The following CDON variants were observed in gnomAD, a reference collection of about 807,000 sequenced individuals.
CDON encodes the protein cell adhesion molecule-related/down-regulated by oncogenes.
A neutral mutation model predicts 120.9 loss-of-function variants in CDON; 73 were observed. That is an observed-to-expected ratio of 0.60 (90% CI 0.50 to 0.73). The LOEUF (loss-of-function observed/expected upper bound fraction) is 0.73. CDON is among the 30% of genes least tolerant of loss of function. The probability of loss-of-function intolerance (pLI) is 0.00; values close to 1 mark genes in which losing one functional copy is unlikely to be tolerated. For synonymous variants in CDON, 566 were observed against 573.5 expected (o/e 0.99, Z 0.19); for missense variants, 1,470 against 1,587.3 (o/e 0.93, Z 1.26).
chr11:126,039,461 T>G (rs930868895), intron 1 of CDON, among the ~76,000 whole-genome samples: 5 of 152,222 alleles, frequency 3.3e-5, no homozygotes, highest in Non-Finnish European at 5.9e-5. Context: ...AAATGCAGCT[T>G]AAGTTTTTTG....
chr11:125,997,185 G>C, intron 12 of CDON, 22 bp downstream of exon 12: 1 of 1,544,860 alleles, frequency 6.5e-7, no homozygotes, highest in Non-Finnish European at 9.0e-7. Flanking sequence ...GATGGTAAAA[G>C]GAAACGTTTG....
rs1946951365 is a variant in CDON at position 126,001,773 on chromosome 11, C to T, written c.2104G>A (p.Ala702Thr). 6.2e-7 allele frequency: 1 copy of T among 1,613,010 alleles called. No individual in the cohort carries two copies. Among genetic ancestry groups the T allele is most frequent in the Non-Finnish European group, 8.5e-7 (1 of 1,179,024 alleles). ...ACCACTCCAAAATTGTTGTTTGCAG[C>T]CTCTGAAACAACGGGATACTTAGGG... Reference protein sequence around the residue: ...GIPKYPVVSEAANNNFGVVLT... With the variant: ...GIPKYPVVSETANNNFGVVLT... Residue 702 changes from alanine (A) to threonine (T), a missense_variant, in exon 11 of 20, where the codon GCT becomes ACT. Transcript: ENST00000531738.
intron 1 of CDON, among the ~76,000 whole-genome samples, chr11:126,026,372 A>C (rs1263176977): frequency 6.6e-6 from 1 of 152,250 alleles, no homozygotes; most frequent in Non-Finnish European, 1.5e-5. Context: ...TGGACCTACG[A>C]CTATAGAATA....
chr11:126,017,483 A>G, intron 5 of CDON, 108 bp from the exon 6 acceptor site: 1 of 1,084,804 alleles, frequency 9.2e-7, no homozygotes, highest in Non-Finnish European at 1.4e-6. Context: ...TTATACTACA[A>G]GGTCCTATTT....
intron 17 of CDON, among the ~76,000 whole-genome samples, chr11:125,979,658 C>T (rs991008963): frequency 5.9e-5 from 9 of 152,120 alleles, no homozygotes; most frequent in Non-Finnish European, 1.2e-4. Context: ...CCCAAGGTTC[C>T]GTGTTCAAAC....
rs1450170511 is a variant in CDON, at chr11:125,997,319, T to C, written c.2250A>G (p.Pro750=). The C allele has an allele frequency of 6.2e-7, 1 of 1,614,084 alleles. No individual in the cohort carries two copies. The highest frequency in any genetic ancestry group is 2.2e-5 in the East Asian group (1 of 44,866). The change falls in exon 12 of 20, where the codon CCA becomes CCG. Residue 750 remains proline (P), a synonymous_variant. Coordinates refer to ENST00000531738, the MANE Select transcript of CDON (RefSeq NM_001378964.1). ...TATATTCGACTTTGAAGGCAGTGAT[T>C]GGAGAACCCCCGTTTGCCCGAGGAA... is the stretch of plus-strand genomic sequence containing the variant. ...TWIPRANGGS[P]ITAFKVEYKR...
intron 1 of CDON, among the ~76,000 whole-genome samples, chr11:126,030,465 T>C (rs1313065188): frequency 6.6e-6 from 1 of 152,228 alleles, no homozygotes; most frequent in Non-Finnish European, 1.5e-5. Flanking sequence ...GAAATAACTG[T>C]GATTAATTTG....
intron 1 of CDON, among the ~76,000 whole-genome samples, chr11:126,024,525 C>T (rs1272988933): frequency 1.3e-5 from 2 of 152,088 alleles, no homozygotes; most frequent in African/African-American, 4.8e-5. Context: ...TTTGGTGACA[C>T]AAAATAAATA....
chr11:125,971,200 A>C (rs550822989), intron 18 of CDON, among the ~76,000 whole-genome samples: 1 of 152,064 alleles, frequency 6.6e-6, no homozygotes, highest in Admixed American at 6.5e-5. Flanking sequence ...TGGCTAACAC[A>C]GTGAAACCCC....
chr11:125,976,943 T>C (rs1216906096), intron 18 of CDON, among the ~76,000 whole-genome samples: 1 of 152,198 alleles, frequency 6.6e-6, no homozygotes, highest in East Asian at 1.9e-4. Flanking sequence ...ATCCTGTCGT[T>C]ATACCATTCT....
At chr11:126,027,301 C>T (rs755430090) in intron 1 of CDON, among the ~76,000 whole-genome samples, 1 of 152,144 alleles carries the variant, frequency 6.6e-6, no homozygotes, top group African/African-American at 2.4e-5. Flanking sequence ...CCAGGCCCAA[C>T]CTCACAAATA....
rs141225852 is a variant in CDON, at chr11:125,960,775, T to C, written c.*167A>G. On this transcript the variant is annotated 3_prime_UTR_variant, in exon 20 of 20. Coordinates refer to ENST00000531738, the MANE Select transcript of CDON (RefSeq NM_001378964.1). ...GAAAACATTTAAGGCATAAATAATA[T>C]AAAAGGGCACACGTTTTAAGATACA... is the stretch of plus-strand genomic sequence containing the variant. 6.7e-4 allele frequency: 459 copies of C among 689,458 alleles called. 2 individuals are homozygous for C. In the African/African-American group the frequency reaches 7.6e-3, roughly 11 times the overall value. 42.7% of individuals were successfully genotyped at this position (689,458 alleles called of 1,614,324 possible).
chr11:125,994,792 G>C (rs1056542918), intron 13 of CDON, 79 bp downstream of exon 13: 6 of 1,268,046 alleles, frequency 4.7e-6, no homozygotes, highest in Non-Finnish European at 6.8e-6. Flanking sequence ...GCTGTTTACT[G>C]TATTGTGTCA....
At chr11:125,964,845 A>G (rs916147565) in intron 18 of CDON, among the ~76,000 whole-genome samples, 6 of 152,220 alleles carry the variant, frequency 3.9e-5, no homozygotes, top group Non-Finnish European at 8.8e-5. Flanking sequence ...TTAGAGAGGA[A>G]GAAGGACTCT....
At chr11:126,024,893 T>C (rs1027647219) in intron 1 of CDON, among the ~76,000 whole-genome samples, 3 of 152,108 alleles carry the variant, frequency 2.0e-5, no homozygotes, top group Non-Finnish European at 4.4e-5. Flanking sequence ...GAAATCTATT[T>C]GTTCAGGGAG....
At chr11:125,973,101 T>C (rs559459011) in intron 18 of CDON, among the ~76,000 whole-genome samples, 84 of 149,838 alleles carry the variant, frequency 5.6e-4, no homozygotes, top group Non-Finnish European at 1.9e-4. Context: ...CTCAAAATTC[T>C]TCTCTTTCTC....
intron 1 of CDON, among the ~76,000 whole-genome samples, chr11:126,051,832 A>G (rs1450431371): frequency 2.6e-5 from 4 of 151,722 alleles, no homozygotes; most frequent in Admixed American, 2.6e-4. Flanking sequence ...TATTTTTAGT[A>G]GAGACAGGGT....
At chr11:126,062,992 G>A (rs1316142359), upstream of CDON, among the ~76,000 whole-genome samples, 6 of 151,762 alleles carry the variant, frequency 4.0e-5, no homozygotes, top group Admixed American at 1.3e-4. Context: ...GACTGACGGA[G>A]GCGGGCCGTA....
intron 11 of CDON, among the ~76,000 whole-genome samples, chr11:126,000,977 G>T (rs1946927414): frequency 6.6e-6 from 1 of 152,052 alleles, no homozygotes; most frequent in Non-Finnish European, 1.5e-5. Flanking sequence ...AAAGTCTTTT[G>T]AAAATTATAC....
Sources: allele counts gnomAD v4.1 joint callset (sites outside exome capture counted in the v4.1 genomes callset), GRCh38; gene constraint gnomAD v4.1.1; transcripts MANE v1.5; gene names NCBI Gene and HGNC (gene_info 2026-07-23, HGNC 2026-07-21).